Variants in SLC9A7 observed in about 807,000 individuals in gnomAD.
SLC9A7 encodes sodium/hydrogen exchanger 7.
A neutral mutation model predicts 52.6 loss-of-function variants in SLC9A7; 19 were observed. The ratio of observed to expected loss-of-function variants is 0.36; its 90% CI spans 0.25 to 0.53. The LOEUF (loss-of-function observed/expected upper bound fraction) is 0.53. SLC9A7 is among the 20% of genes least tolerant of loss of function. The pLI, the probability that SLC9A7 is intolerant of heterozygous loss-of-function variation, is 0.91. For missense variants in SLC9A7, 455 were observed against 597.9 expected (o/e 0.76, Z 2.49); for synonymous variants, 226 against 252.1 (o/e 0.90, Z 0.98).
intron 5 of SLC9A7, among the ~76,000 whole-genome samples, chrX:46,665,694 A>G (rs909050797): frequency 9.0e-6 from 1 of 110,920 alleles, no homozygotes; most frequent in African/African-American, 3.3e-5. Context: ...CATTTCCCCA[A>G]TTTTAATTCA....
chrX:46,756,928 T>C (rs1177133559), intron 1 of SLC9A7, among the ~76,000 whole-genome samples: 1 of 111,955 alleles, frequency 8.9e-6, no homozygotes, highest in Non-Finnish European at 1.9e-5. Context: ...AGCCTTAAGA[T>C]AAAGGTGATT....
intron 11 of SLC9A7, chrX:46,647,186 T>G (rs1266678146): frequency 3.6e-6 from 1 of 276,913 alleles, no homozygotes; most frequent in Non-Finnish European, 7.0e-6. Context: ...GTTGAACTTA[T>G]AGCCAGTATC....
At chrX:46,656,239 G>C (rs1362028203) in intron 7 of SLC9A7, among the ~76,000 whole-genome samples, 1 of 110,849 alleles carries the variant, frequency 9.0e-6, no homozygotes, top group African/African-American at 3.3e-5. Flanking sequence ...CATCATCAAA[G>C]ACCAAAAGTA....
chrX:46,625,263 G>T (rs1281972222), intron 14 of SLC9A7, among the ~76,000 whole-genome samples: 1 of 106,779 alleles, frequency 9.4e-6, no homozygotes, highest in Non-Finnish European at 1.9e-5. Context: ...TTTTTTTCAG[G>T]GATGGAGCAT....
At chrX:46,725,613 A>T in intron 1 of SLC9A7, 1 of 1,095,901 alleles carries the variant, frequency 9.1e-7, no homozygotes, top group Admixed American at 2.2e-5. Flanking sequence ...CTTTTGCTTT[A>T]AAACTCACGA....
chrX:46,667,367 G>A (rs779017903), intron 5 of SLC9A7, among the ~76,000 whole-genome samples: 21 of 111,014 alleles, frequency 1.9e-4, no homozygotes, highest in African/African-American at 6.9e-4. Context: ...TAAAATATGA[G>A]GGTAAGAGAG....
At chrX:46,637,468 G>A (rs183253011) in intron 12 of SLC9A7, among the ~76,000 whole-genome samples, 126 of 112,415 alleles carry the variant, frequency 1.1e-3, no homozygotes, top group Non-Finnish European at 1.8e-3. Flanking sequence ...AGTCTAACAG[G>A]ATTATGCCAA....
chrX:46,658,693 T>G (rs1473705797), intron 7 of SLC9A7, among the ~76,000 whole-genome samples: 2 of 111,401 alleles, frequency 1.8e-5, no homozygotes, highest in Non-Finnish European at 3.8e-5. Flanking sequence ...AATCTCTGAA[T>G]AGACCAATAA....
chrX:46,675,022 T>TGAGTGAGGGAGAGA (rs1170629952), intron 3 of SLC9A7, among the ~76,000 whole-genome samples: 14 of 109,120 alleles, frequency 1.3e-4, no homozygotes, highest in Non-Finnish European at 2.3e-4. Flanking sequence ...TATGTGTGTG[T>TGAGTGAGGGAGAGA]GAGTGAGGGA....
At chrX:46,629,135 G>A (rs754048964) in intron 14 of SLC9A7, among the ~76,000 whole-genome samples, 1 of 112,065 alleles carries the variant, frequency 8.9e-6, no homozygotes. Context: ...AGGAGGTCAG[G>A]GGGAAGCTGT....
At chrX:46,754,019 T>C (rs968511026) in intron 1 of SLC9A7, among the ~76,000 whole-genome samples, 1 of 108,670 alleles carries the variant, frequency 9.2e-6, no homozygotes, top group East Asian at 2.9e-4. Context: ...ATAAATAAAA[T>C]TTTAAAAGGG....
chrX:46,679,695 C>T lies in SLC9A7; in HGVS notation c.586G>A (p.Gly196Arg). 1 of 1,194,669 alleles carries T rather than the reference C, an allele frequency of 8.4e-7. No individual in the cohort carries two copies. The highest frequency in any genetic ancestry group is 1.1e-6 in the Non-Finnish European group (1 of 883,117). Residue 196 changes from glycine to arginine, a missense_variant, in exon 3 of 17, where the codon GGA becomes AGA. Transcript: ENST00000616978. ...CATCTTACCTTCTTTAAGCTGTATCCAGCATGAAAAATAATTGGAGGCAGA... is the reference window on the plus strand; with the variant it reads ...CATCTTACCTTCTTTAAGCTGTATCTAGCATGAAAAATAATTGGAGGCAGA... ...ILLPPIIFHA[G>R]YSLKKRHFFR...
At chrX:46,735,799 C>G in intron 1 of SLC9A7, among the ~76,000 whole-genome samples, 1 of 111,375 alleles carries the variant, frequency 9.0e-6, no homozygotes, top group Non-Finnish European at 1.9e-5. Context: ...ACAAGCCACC[C>G]CACTGTCTTC....
rs1207798158 is a variant in SLC9A7, at chrX:46,635,631, G to A, written c.1634C>T (p.Pro545Leu). The A allele has an allele frequency of 1.7e-6, 2 of 1,210,289 alleles. No individual in the cohort carries two copies. The highest frequency in any genetic ancestry group is 2.2e-5 in the Admixed American group (1 of 46,007). ...WLNIRVGVEEPSEEDQNEHHW... is the reference protein window; with the variant it reads ...WLNIRVGVEELSEEDQNEHHW... ...GTGTTCATTCTGGTCCTCTTCGGAG[G>A]GCTCCTCGACGCCAACTCTGGGCAG... Residue 545 changes from proline to leucine, a missense_variant, in exon 13 of 17, where the codon CCC becomes CTC. Physicochemically the swap from Pro to Leu is moderately conservative, Grantham distance 98. Around this residue, in one of 3 missense-constraint regions of SLC9A7, gnomAD observed 146 missense variants for 160.5 expected, o/e 0.91. Transcript: ENST00000616978.
intron 1 of SLC9A7, among the ~76,000 whole-genome samples, chrX:46,716,024 A>C (rs1015127184): frequency 1.8e-5 from 2 of 111,906 alleles, no homozygotes; most frequent in Non-Finnish European, 3.8e-5. Flanking sequence ...AAAAGTCCTT[A>C]AGGCAGGCAG....
intron 7 of SLC9A7, 47 bp from the exon 8 acceptor site, chrX:46,653,761 C>T (rs1373749543): frequency 1.0e-6 from 1 of 959,241 alleles, no homozygotes; most frequent in South Asian, 2.1e-5. Context: ...TGTATCAGGG[C>T]CACCAAGAAC....
In SLC9A7 at chrX:46,645,556, C is replaced by T. The variant is rs140915531; in HGVS notation, c.1463-2167G>A. Reference sequence around the variant, plus strand: ...ATGGGCAATTCTGATGTAACCTAAACGGTGAAAATTATGAGTTTAGATACA... The same window carrying T: ...ATGGGCAATTCTGATGTAACCTAAATGGTGAAAATTATGAGTTTAGATACA... On this transcript the variant is annotated intron_variant, in intron 11 of 16. Transcript: ENST00000616978. Among the ~76,000 whole-genome samples, 210 of 110,716 alleles carry T rather than the reference C, an allele frequency of 1.9e-3. 3 individuals are homozygous for T. The South Asian group carries it at 0.039, about 20-fold the overall frequency.
intron 1 of SLC9A7, among the ~76,000 whole-genome samples, chrX:46,748,364 AAAGGAAGGAAGGAAGGAAGGAAGGAAGG>A (rs57555325): frequency 2.3e-4 from 12 of 51,264 alleles, no homozygotes; most frequent in African/African-American, 5.3e-4. Context: ...AAAAAGAAAG[AAAGGAAGGAAGGAAGGAAGGAAGGAAGG>A]AAGGAAGGAA....
chrX:46,720,252 G>A (rs1290810956), intron 1 of SLC9A7, among the ~76,000 whole-genome samples: 2 of 111,574 alleles, frequency 1.8e-5, no homozygotes, highest in South Asian at 3.8e-4. Flanking sequence ...TCTAGGACTT[G>A]AGCAATTATT....
Sources: gnomAD v4.1 joint callset for allele counts (sites outside exome capture counted in the v4.1 genomes callset) on GRCh38, gnomAD v4.1.1 for gene constraint, gnomAD v4.1.1 regional missense constraint, MANE v1.5 for transcripts, NCBI Gene and HGNC (gene_info 2026-07-23, HGNC 2026-07-21) for gene names.